The following SLC30A7 variants were observed in gnomAD, a reference collection of about 807,000 sequenced individuals.
The protein encoded by SLC30A7 is zinc transporter 7.
Under a neutral mutation model 46.0 loss-of-function variants are expected in SLC30A7, and 35 were observed. That is an observed-to-expected ratio of 0.76 (90% CI 0.58 to 1.01). The LOEUF is 1.01. SLC30A7 is among the 50% of genes least tolerant of loss of function. The pLI, the probability that SLC30A7 is intolerant of heterozygous loss-of-function variation, is 0.00. For synonymous variants in SLC30A7, 147 were observed against 157.8 expected (o/e 0.93, Z 0.51); for missense variants, 464 against 451.1 (o/e 1.03, Z -0.26).
At position 100,899,529 on chromosome 1, in the gene SLC30A7, G is replaced by C. The variant is rs1651168924; in HGVS notation, c.182+2858G>C. On this transcript the variant is annotated intron_variant, in intron 2 of 10. Transcript: ENST00000357650. ...TTTTGTATCATCTACGGTTAAGTTT[G>C]TTTTCAAGTTACAGAAAAACTCTGC... 3.9e-5 allele frequency among the ~76,000 whole-genome samples: 6 copies of C among 152,108 alleles called. No homozygotes were observed. The South Asian group carries it at 1.2e-3, about 32-fold the overall frequency.
At chr1:100,949,997 A>G (rs6577217) in intron 8 of SLC30A7, among the ~76,000 whole-genome samples, 25,096 of 152,154 alleles carry the variant, frequency 0.16, 2,120 homozygotes, top group African/African-American at 0.18. Context: ...ACCCTGCTTC[A>G]GCTCGCTCTC....
intron 8 of SLC30A7, among the ~76,000 whole-genome samples, chr1:100,932,999 C>T (rs1223429871): frequency 1.6e-4 from 23 of 142,220 alleles, no homozygotes; most frequent in African/African-American, 5.0e-4. Context: ...TTTTTTGAGA[C>T]GGAGTCTCGC....
intron 8 of SLC30A7, among the ~76,000 whole-genome samples, chr1:100,926,604 T>C (rs1653322481): frequency 6.6e-6 from 1 of 152,206 alleles, no homozygotes. Flanking sequence ...GGCACACATA[T>C]CTAAACTATA....
chr1:100,907,830 T>C (rs1261753842), intron 3 of SLC30A7, among the ~76,000 whole-genome samples: 1 of 152,032 alleles, frequency 6.6e-6, no homozygotes, highest in Non-Finnish European at 1.5e-5. Flanking sequence ...TCTTATCTTC[T>C]CCTGAACTCC....
chr1:100,995,010 C>G, the SLC30A7 span: 1 of 802,400 alleles, frequency 1.2e-6, no homozygotes, highest in East Asian at 2.6e-5. Context: ...AATGAGAGCT[C>G]ATTTTCAACC....
downstream of SLC30A7, among the ~76,000 whole-genome samples, chr1:100,986,401 CTCT>C (rs1657271055): frequency 6.7e-6 from 1 of 149,122 alleles, no homozygotes; most frequent in Admixed American, 6.7e-5. Context: ...AAAAGCAAAA[CTCT>C]TGTCTAAAAA....
At chr1:100,908,023 T>C (rs537358393) in intron 3 of SLC30A7, among the ~76,000 whole-genome samples, 154 of 152,196 alleles carry the variant, frequency 1.0e-3, no homozygotes, top group African/African-American at 3.5e-3. Flanking sequence ...CCTCTTCTCT[T>C]AACTTCTTTA....
chr1:100,923,409 T>C (rs1265251491), intron 8 of SLC30A7, among the ~76,000 whole-genome samples: 2 of 152,206 alleles, frequency 1.3e-5, no homozygotes. Context: ...AAAAATAGGA[T>C]ATACATTTTA....
intron 10 of SLC30A7, among the ~76,000 whole-genome samples, chr1:100,972,944 C>T (rs77370732): frequency 9.0e-4 from 137 of 151,854 alleles, no homozygotes; most frequent in African/African-American, 3.1e-3. Flanking sequence ...AACTCAAGAA[C>T]ATACAGATAC....
At chr1:100,953,539 A>G (rs923448322) in intron 8 of SLC30A7, among the ~76,000 whole-genome samples, 4 of 152,182 alleles carry the variant, frequency 2.6e-5, no homozygotes, top group Non-Finnish European at 5.9e-5. Flanking sequence ...GCTTTTTAAA[A>G]TGCAGATTTG....
At chr1:100,935,362 A>C (rs1005017859) in intron 8 of SLC30A7, among the ~76,000 whole-genome samples, 1 of 152,226 alleles carries the variant, frequency 6.6e-6, no homozygotes, top group Non-Finnish European at 1.5e-5. Flanking sequence ...TGCTTTATGC[A>C]AGTCAGTTTA....
intron 2 of SLC30A7, among the ~76,000 whole-genome samples, chr1:100,897,915 A>T (rs1651070569): frequency 6.6e-6 from 1 of 152,212 alleles, no homozygotes; most frequent in Non-Finnish European, 1.5e-5. Context: ...TTAATCCCAT[A>T]GTATTAACAC....
intron 3 of SLC30A7, 121 bp downstream of exon 3, chr1:100,907,086 G>GC (rs1179146414): frequency 7.8e-6 from 5 of 639,636 alleles, no homozygotes; most frequent in African/African-American, 3.7e-5. Context: ...AATCTTTGAA[G>GC]CCCCCACTCA....
chr1:100,963,336 A>G (rs570676215), intron 9 of SLC30A7, among the ~76,000 whole-genome samples: 2 of 152,246 alleles, frequency 1.3e-5, no homozygotes, highest in South Asian at 4.1e-4. Context: ...ACAGAGTTGA[A>G]GAAGGAGGAA....
intron 8 of SLC30A7, among the ~76,000 whole-genome samples, chr1:100,954,120 A>C (rs888180334): frequency 2.6e-5 from 4 of 152,170 alleles, no homozygotes; most frequent in Non-Finnish European, 4.4e-5. Flanking sequence ...CAGACGTGTT[A>C]AGTGGTTATT....
rs560608860 is a variant in SLC30A7, at chr1:100,926,024, C to G, written c.842+4183C>G. On this transcript the variant is annotated intron_variant, in intron 8 of 10. Coordinates refer to ENST00000357650, the MANE Select transcript of SLC30A7 (RefSeq NM_133496.5). The stretch of plus-strand genomic sequence containing the variant: ...GCTAAAACTGATTTAGCGTCAGGGG[C>G]CCTTTCAATATAGTGCTTCAAGCAA... Among the ~76,000 whole-genome samples the G allele has an allele frequency of 9.2e-5, 14 of 152,196 alleles. No homozygotes were observed. In the East Asian group the frequency reaches 2.7e-3, roughly 29 times the overall value.
chr1:100,935,530 T>A (rs1044285129), intron 8 of SLC30A7, among the ~76,000 whole-genome samples: 4 of 152,330 alleles, frequency 2.6e-5, no homozygotes, highest in African/African-American at 9.6e-5. Flanking sequence ...TTTTTGGCTA[T>A]CACCTATGCA....
At chr1:100,951,869 TTTCAGA>T (rs1654973512) in intron 8 of SLC30A7, among the ~76,000 whole-genome samples, 1 of 152,180 alleles carries the variant, frequency 6.6e-6, no homozygotes, top group Admixed American at 6.5e-5. Flanking sequence ...AAAAGAGACT[TTTCAGA>T]TGTAATTAAG....
At chr1:100,984,403 G>A (rs1233315274), downstream of SLC30A7, among the ~76,000 whole-genome samples, 4 of 152,276 alleles carry the variant, frequency 2.6e-5, no homozygotes, top group African/African-American at 4.8e-5. Flanking sequence ...AGGAAACCAC[G>A]AAAGCAATCT....
Sources: allele counts gnomAD v4.1 joint callset (sites outside exome capture counted in the v4.1 genomes callset), GRCh38; gene constraint gnomAD v4.1.1; transcripts MANE v1.5; gene names NCBI Gene and HGNC (gene_info 2026-07-23, HGNC 2026-07-21).